The following TAS2R1 variants were observed in gnomAD, a reference collection of about 807,000 sequenced individuals.
The protein encoded by TAS2R1 is taste 2 receptor member 1, also known as taste receptor type 2 member 1.
For missense variants in TAS2R1, 370 were observed against 353.4 expected, an observed-to-expected ratio of 1.05 and a Z score of -0.38; for synonymous variants, 141 against 134.2, an observed-to-expected ratio of 1.05 and a Z score of -0.35.
the TAS2R1 span, among the ~76,000 whole-genome samples, chr5:9,853,964 A>C: frequency 2.0e-5 from 3 of 152,188 alleles, no homozygotes; most frequent in Non-Finnish European, 4.4e-5. Context: ...TTTAACTCAC[A>C]CAGTCTCCCT....
intron 1 of TAS2R1, among the ~76,000 whole-genome samples, chr5:9,673,150 T>C (rs1442680152): frequency 6.6e-6 from 1 of 151,626 alleles, no homozygotes; most frequent in East Asian, 1.9e-4. Context: ...TAAGGGTGGA[T>C]GGTGGGAGGA....
chr5:9,674,458 G>A (rs191792621), intron 1 of TAS2R1, among the ~76,000 whole-genome samples: 1 of 152,010 alleles, frequency 6.6e-6, no homozygotes, highest in African/African-American at 2.4e-5. Context: ...GTTAGAACCT[G>A]GGGCCAGATG....
chr5:9,749,707 G>T, the TAS2R1 span, among the ~76,000 whole-genome samples: 2 of 152,304 alleles, frequency 1.3e-5, no homozygotes, highest in East Asian at 1.9e-4. Flanking sequence ...CCCATAAAGC[G>T]ATACTTCAAA....
rs1321749997 is a variant in TAS2R1 at position 9,629,332 on chromosome 5, A to C, written c.701T>G (p.Leu234Arg). The stretch of plus-strand genomic sequence containing the variant: ...CATGCAGTGGGAGAAGTAGAGGATC[A>C]GGAAGGACAGGATAGACAGCAACGC... ...ISALLSILSF[L>R]ILYFSHCMIK... is the part of the protein sequence containing the mutation. Residue 234 changes from leucine to arginine, a missense_variant, in exon 1 of 1, where the codon CTG (leucine) becomes CGG (arginine). Leu to Arg is a moderately radical substitution (Grantham distance 102). Coordinates refer to ENST00000382492, the MANE Select transcript of TAS2R1 (RefSeq NM_019599.3). 6.2e-7 allele frequency: 1 copy of C among 1,613,602 alleles called. No individual in the cohort carries two copies. Among genetic ancestry groups the C allele is most frequent in the Non-Finnish European group, 8.5e-7 (1 of 1,179,854 alleles).
the TAS2R1 span, among the ~76,000 whole-genome samples, chr5:9,839,343 T>C: frequency 2.1e-4 from 32 of 152,304 alleles, no homozygotes; most frequent in Admixed American, 4.6e-4. Flanking sequence ...TCATATATGA[T>C]ATCAGCAATA....
chr5:9,629,943 C>G lies in TAS2R1; in HGVS notation c.90G>C (p.Val30=). 6.2e-7 allele frequency: 1 copy of G among 1,613,422 alleles called. No homozygotes were observed. Residue 30 remains valine, a synonymous_variant, in exon 1 of 1, where the codon GTG becomes GTC. Transcript: ENST00000382492. ...TGTGCTTGATCAAGTCAATGCCATTCACCACCACAATGATGCCATTTGTGA... is the reference window on the plus strand; with the variant it reads ...TGTGCTTGATCAAGTCAATGCCATTGACCACCACAATGATGCCATTTGTGA... ...GIFTNGIIVV[V]NGIDLIKHRK... is the part of the protein sequence containing the mutation.
At chr5:9,840,869 T>TA in the TAS2R1 span, among the ~76,000 whole-genome samples, 39 of 5,924 alleles carry the variant, frequency 6.6e-3, no homozygotes, top group African/African-American at 0.025. Flanking sequence ...TTTTTTTTTT[T>TA]TTTTTTTTTT....
chr5:9,667,535 G>A lies in TAS2R1; in HGVS notation c.-241-7954C>T, dbSNP rs568806781. ...CGTATGTTCCCCTTATCCCCACTTGGACAGTAGATTTGGGTTGACCTGGAA... is the reference window on the plus strand; with the variant it reads ...CGTATGTTCCCCTTATCCCCACTTGAACAGTAGATTTGGGTTGACCTGGAA... On this transcript the variant is annotated intron_variant, in intron 1 of 2. Coordinates refer to the TAS2R1 transcript ENST00000506620. 5.3e-5 allele frequency among the ~76,000 whole-genome samples: 8 copies of A among 152,270 alleles called. No individual in the cohort carries two copies. The East Asian group carries it at 1.5e-3, about 29-fold the overall frequency.
chr5:9,629,356 G>A lies in TAS2R1; in HGVS notation c.677C>T (p.Ala226Val), dbSNP rs1297277024. Residue 226 changes from alanine to valine, a missense_variant, in exon 1 of 1, where the codon GCG becomes GTG. Coordinates refer to ENST00000382492, the MANE Select transcript of TAS2R1 (RefSeq NM_019599.3). ...CAGGAAGGACAGGATAGACAGCAAC[G>A]CGCTGATGGGTGCACCCCTGCCAGG... ...RVPGRGAPIS[A>V]LLSILSFLIL... The A allele has an allele frequency of 7.4e-6, 12 of 1,613,902 alleles. No homozygotes were observed. Among genetic ancestry groups the A allele is most frequent in the East Asian group, 6.7e-5 (3 of 44,882 alleles).
At chr5:9,895,998 C>A in the TAS2R1 span, among the ~76,000 whole-genome samples, 2 of 152,182 alleles carry the variant, frequency 1.3e-5, no homozygotes, top group African/African-American at 4.8e-5. Flanking sequence ...TCTAAAATTT[C>A]TATGATGAAT....
At chr5:9,858,703 G>A in the TAS2R1 span, among the ~76,000 whole-genome samples, 8 of 152,192 alleles carry the variant, frequency 5.3e-5, no homozygotes, top group African/African-American at 1.9e-4. Flanking sequence ...CAATATAGAA[G>A]GAAATTGGGA....
At chr5:9,872,106 C>T in the TAS2R1 span, among the ~76,000 whole-genome samples, 1 of 152,228 alleles carries the variant, frequency 6.6e-6, no homozygotes, top group East Asian at 1.9e-4. Context: ...TTTATGTATA[C>T]ATATTTTTGC....
chr5:9,818,175 C>T, the TAS2R1 span, among the ~76,000 whole-genome samples: 1 of 152,138 alleles, frequency 6.6e-6, no homozygotes, highest in African/African-American at 2.4e-5. Context: ...TCCTTAAGGC[C>T]ATCTCATCCA....
intron 2 of TAS2R1, among the ~76,000 whole-genome samples, chr5:9,640,505 A>AAAAG (rs1554052274): frequency 2.0e-5 from 3 of 148,004 alleles, no homozygotes; most frequent in African/African-American, 7.6e-5. Flanking sequence ...CTTAAAAAAA[A>AAAAG]AAAAAAAAAA....
chr5:9,853,277 T>C, the TAS2R1 span, among the ~76,000 whole-genome samples: 544 of 152,350 alleles, frequency 3.6e-3, 4 homozygotes, highest in African/African-American at 0.013. Flanking sequence ...GCTTCGTGAC[T>C]GCTCCCGCAG....
intron 1 of TAS2R1, among the ~76,000 whole-genome samples, chr5:9,671,396 A>G (rs776975124): frequency 1.3e-5 from 2 of 152,180 alleles, no homozygotes; most frequent in Non-Finnish European, 2.9e-5. Context: ...AAAATCCCAT[A>G]GTCCCTGACC....
the TAS2R1 span, among the ~76,000 whole-genome samples, chr5:9,738,786 C>G: frequency 6.6e-6 from 1 of 152,030 alleles, no homozygotes; most frequent in Non-Finnish European, 1.5e-5. Flanking sequence ...AGAGGAAGCC[C>G]ACAGAGAACC....
At chr5:9,638,768 T>A (rs893941279) in intron 2 of TAS2R1, among the ~76,000 whole-genome samples, 11 of 152,152 alleles carry the variant, frequency 7.2e-5, no homozygotes, top group African/African-American at 2.7e-4. Flanking sequence ...GGGTGTGGGC[T>A]CAGACTCTCC....
intron 1 of TAS2R1, among the ~76,000 whole-genome samples, chr5:9,667,475 C>T (rs1740657855): frequency 6.6e-6 from 1 of 152,188 alleles, no homozygotes; most frequent in Non-Finnish European, 1.5e-5. Context: ...GCCCAGTGGC[C>T]TCACTTTTGT....
Sources: gnomAD v4.1 joint callset for allele counts (sites outside exome capture counted in the v4.1 genomes callset) on GRCh38, gnomAD v4.1.1 for gene constraint, MANE v1.5 for transcripts, NCBI Gene and HGNC (gene_info 2026-07-23, HGNC 2026-07-21) for gene names.